Variants in ZNF28 observed in about 807,000 individuals in gnomAD.
ZNF28 encodes zinc finger protein KOX24.
A neutral mutation model predicts 7.2 loss-of-function variants in ZNF28; 5 were observed. That is an observed-to-expected ratio of 0.70 (90% confidence interval 0.36 to 1.46). The LOEUF (loss-of-function observed/expected upper bound fraction) is 1.46. ZNF28 is among the 40% of genes most tolerant of loss of function. ZNF28 has a pLI of 0.03. For synonymous variants in ZNF28, 288 were observed against 292.4 expected, an observed-to-expected ratio of 0.99 and a Z score of 0.15; for missense variants, 879 against 866.6, an observed-to-expected ratio of 1.01 and a Z score of -0.18.
In ZNF28 at chr19:52,811,705, C is replaced by A. The variant is rs1167421637; in HGVS notation, c.16-3572G>T. 2.7e-5 allele frequency among the ~76,000 whole-genome samples: 4 copies of A among 149,140 alleles called. No individual in the cohort carries two copies. The East Asian group carries it at 8.1e-4, about 30-fold the overall frequency. On this transcript the variant is annotated intron_variant, in intron 2 of 3. Transcript: ENST00000457749. ...GAGCCCCTCCGTCCGGCAACCACCC[C>A]GTCTGGGAAGTGAGGAGCGTCTCCG...
At chr19:52,817,170 T>G (rs2063137220) in intron 2 of ZNF28, among the ~76,000 whole-genome samples, 1 of 152,090 alleles carries the variant, frequency 6.6e-6, no homozygotes, top group African/African-American at 2.4e-5. Context: ...GTCGGGAGTT[T>G]GAGACCAGCC....
intron 2 of ZNF28, 59 bp from the exon 3 acceptor site, chr19:52,808,192 A>G (rs2147639835): frequency 6.3e-7 from 1 of 1,599,048 alleles, no homozygotes; most frequent in East Asian, 2.2e-5. Flanking sequence ...CTTTACAGAA[A>G]ATGACAAGAG....
At chr19:52,803,049 C>A (rs1846774156) in intron 3 of ZNF28, among the ~76,000 whole-genome samples, 1 of 151,634 alleles carries the variant, frequency 6.6e-6, no homozygotes, top group Non-Finnish European at 1.5e-5. Flanking sequence ...GCATGAGCCA[C>A]CGCACACGGC....
chr19:52,801,346 A>G lies in ZNF28; in HGVS notation c.499T>C (p.Ser167Pro), dbSNP rs2062867754. The change falls in exon 4 of 4, where the codon TCT (serine) becomes CCT (proline). Residue 167 changes from serine to proline, a missense_variant. Around this residue, in one of 2 missense-constraint regions of ZNF28, gnomAD observed 864 missense variants for 830.2 expected, o/e 1.04. Coordinates refer to ENST00000457749, the MANE Select transcript of ZNF28 (RefSeq NM_006969.5). ...EGKIGNQVEK[S>P]INNASSVSTS... Reference sequence around the variant, plus strand: ...GAAACTGAGGAAGCATTGTTGATAGACTTCTCAACTTGATTACCAATTTTC... The same window carrying G: ...GAAACTGAGGAAGCATTGTTGATAGGCTTCTCAACTTGATTACCAATTTTC... 3 of 1,614,182 alleles carry G rather than the reference A, an allele frequency of 1.9e-6. No homozygotes were observed. Among genetic ancestry groups the G allele is most frequent in the Non-Finnish European group, 2.5e-6 (3 of 1,180,026 alleles).
chr19:52,804,655 G>A (rs563954298), intron 3 of ZNF28, among the ~76,000 whole-genome samples: 1 of 152,278 alleles, frequency 6.6e-6, no homozygotes, highest in South Asian at 2.1e-4. Flanking sequence ...ACAGGTGTGA[G>A]CCACTGCACC....
chr19:52,798,916 G>C lies in ZNF28; in HGVS notation c.*772C>G. ...GTGGTGACTGCCCACTAAAGGCTTT[G>C]CCACACTCATTGCACTTGTAAGGTT... is the stretch of plus-strand genomic sequence containing the variant. On this transcript the variant is annotated 3_prime_UTR_variant, in exon 4 of 4. Transcript: ENST00000457749. 1 of 1,437,284 alleles carries C rather than the reference G, an allele frequency of 7.0e-7. No individual in the cohort carries two copies. The highest frequency in any genetic ancestry group is 9.4e-7 in the Non-Finnish European group (1 of 1,063,090). 89.0% of individuals were successfully genotyped at this position (1,437,284 alleles called of 1,614,324 possible). A position where few individuals can be genotyped will look rare whatever the true frequency, so the allele number is the denominator to read the frequency against.
At chr19:52,809,115 T>G (rs1418516060) in intron 2 of ZNF28, among the ~76,000 whole-genome samples, 3 of 152,204 alleles carry the variant, frequency 2.0e-5, no homozygotes, top group African/African-American at 4.8e-5. Flanking sequence ...AATCTCATCT[T>G]GCTGGAAAAG....
chr19:52,811,538 C>T (rs1180225805), intron 2 of ZNF28, among the ~76,000 whole-genome samples: 4 of 148,000 alleles, frequency 2.7e-5, no homozygotes, highest in Non-Finnish European at 6.0e-5. Flanking sequence ...GCACCTCTGC[C>T]CCACCGCCCT....
chr19:52,816,524 C>G (rs1047300262), intron 2 of ZNF28, among the ~76,000 whole-genome samples: 1 of 145,178 alleles, frequency 6.9e-6, no homozygotes, highest in Non-Finnish European at 1.5e-5. Context: ...ATTAGCTAGG[C>G]ATGGTGGCGG....
At chr19:52,817,154 C>T (rs1255581483) in intron 2 of ZNF28, among the ~76,000 whole-genome samples, 1 of 152,090 alleles carries the variant, frequency 6.6e-6, no homozygotes, top group East Asian at 1.9e-4. Flanking sequence ...AGGCGGATCG[C>T]CTGAGGTCGG....
intron 2 of ZNF28, chr19:52,810,295 A>C (rs1382603393): frequency 2.6e-6 from 4 of 1,522,784 alleles, no homozygotes; most frequent in Non-Finnish European, 3.6e-6. Context: ...GAGAAGATGG[A>C]GGCTGATGCC....
At chr19:52,810,478 G>A in intron 2 of ZNF28, 4 of 1,585,388 alleles carry the variant, frequency 2.5e-6, no homozygotes, top group South Asian at 1.1e-5. Context: ...GGACTTCCTT[G>A]GCCTTGGATG....
rs1330502873 is a variant in ZNF28, at chr19:52,798,550, G to A, written c.*1138C>T. On this transcript the variant is annotated 3_prime_UTR_variant, in exon 4 of 4. Transcript: ENST00000457749. ...TTCTGTCCAGCATGGATTCTCTGAT[G>A]TCTATTGAGGTGTGAATGTGAAGTA... 1.6e-5 allele frequency: 8 copies of A among 506,062 alleles called. 1 individual carries two copies. The highest frequency in any genetic ancestry group is 9.8e-5 in the African/African-American group (5 of 51,054). 31.3% of individuals were successfully genotyped at this position (506,062 alleles called of 1,614,324 possible).
Position 52,798,362 on chromosome 19 carries a change from C to G in ZNF28, c.*1326G>C. ...GCTTAAACTCAATGTTAAGTCAACT[C>G]AAACTCAGGTCAGTGCTCATTTAAC... On this transcript the variant is annotated 3_prime_UTR_variant, in exon 4 of 4. Coordinates refer to ENST00000457749, the MANE Select transcript of ZNF28 (RefSeq NM_006969.5). 2.9e-6 allele frequency: 1 copy of G among 344,886 alleles called. No homozygotes were observed. Among genetic ancestry groups the G allele is most frequent in the Non-Finnish European group, 5.7e-6 (1 of 175,222 alleles). The allele number at this position is 344,886 out of a possible 1,614,324, so 21.4% of individuals were successfully genotyped here. A position where few individuals can be genotyped will look rare whatever the true frequency, so the allele number is the denominator to read the frequency against.
Position 52,820,082 on chromosome 19 carries a change from C to T in ZNF28, c.-74+1504G>A, listed in dbSNP as rs1268167120. On this transcript the variant is annotated intron_variant, in intron 1 of 3. Coordinates refer to ENST00000457749, the MANE Select transcript of ZNF28 (RefSeq NM_006969.5). ...ACTAGAAATACAAAAATTAGCTGGG[C>T]TCCATCCTTGCAACTTATTTAACCT... Among the ~76,000 whole-genome samples the T allele has an allele frequency of 3.5e-5, 5 of 142,258 alleles. 1 individual carries two copies. Among genetic ancestry groups the T allele is most frequent in the Non-Finnish European group, 7.5e-5 (5 of 66,906 alleles). The allele number at this position is 142,258 out of a possible 152,430, so 93.3% of individuals were successfully genotyped here.
At chr19:52,810,635 GT>G in intron 2 of ZNF28, 1 of 1,356,178 alleles carries the variant, frequency 7.4e-7, no homozygotes, top group South Asian at 1.2e-5. Context: ...TTCTACAGTG[GT>G]TTTAACAGCA....
chr19:52,807,890 T>C, intron 3 of ZNF28, 117 bp downstream of exon 3: 1 of 1,510,630 alleles, frequency 6.6e-7, no homozygotes, highest in Non-Finnish European at 9.0e-7. Flanking sequence ...TCATGAAGCT[T>C]TTCATTTCAA....
In ZNF28 at chr19:52,817,631, A is replaced by G. The variant is rs528137403; in HGVS notation, c.15+313T>C. On this transcript the variant is annotated intron_variant, in intron 2 of 3. Coordinates refer to ENST00000457749, the MANE Select transcript of ZNF28 (RefSeq NM_006969.5). ...CTGGTCCACAGAGAGCTGACAGTGC[A>G]TCCAGATGTGGCCCCTGAACAAACC... Among the ~76,000 whole-genome samples, 11 of 152,174 alleles carry G rather than the reference A, an allele frequency of 7.2e-5. No homozygotes were observed. The East Asian group carries it at 1.6e-3, about 21-fold the overall frequency.
intron 2 of ZNF28, among the ~76,000 whole-genome samples, chr19:52,813,220 C>T (rs1157308649): frequency 2.1e-5 from 2 of 95,398 alleles, no homozygotes; most frequent in Admixed American, 3.1e-4. Flanking sequence ...AAAACCTTGG[C>T]ATTTATGAAG....
Sources: allele counts gnomAD v4.1 joint callset (sites outside exome capture counted in the v4.1 genomes callset), GRCh38; gene constraint gnomAD v4.1.1; regional missense constraint gnomAD v4.1.1; transcripts MANE v1.5; gene names NCBI Gene and HGNC (gene_info 2026-07-23, HGNC 2026-07-21).